The following PDE10A variants were observed in gnomAD, a reference collection of about 807,000 sequenced individuals.
PDE10A encodes cAMP and cAMP-inhibited cGMP 3',5'-cyclic phosphodiesterase 10A.
Under a neutral mutation model 97.7 loss-of-function variants are expected in PDE10A, and 39 were observed. The observed-to-expected ratio is 0.40, with a 90% CI of 0.31 to 0.52. The LOEUF is 0.52. Among genes scored for constraint, PDE10A ranks in the 20% least tolerant of loss-of-function variants. The probability of loss-of-function intolerance (pLI) is 0.56; values close to 1 mark genes in which losing one functional copy is unlikely to be tolerated. For synonymous variants in PDE10A, 371 were observed against 376.8 expected, an observed-to-expected ratio of 0.98 and a Z score of 0.18; for missense variants, 731 against 1,047.8, an observed-to-expected ratio of 0.70 and a Z score of 4.17.
At chr6:165,337,729 G>T (rs978120027) in intron 20 of PDE10A, among the ~76,000 whole-genome samples, 6 of 152,072 alleles carry the variant, frequency 3.9e-5, no homozygotes, top group Non-Finnish European at 8.8e-5. Flanking sequence ...TAAAACAAAC[G>T]ATTATCTTAG....
intron 1 of PDE10A, among the ~76,000 whole-genome samples, chr6:165,768,293 TTGTC>T (rs2128459377): frequency 6.6e-6 from 1 of 152,294 alleles, no homozygotes; most frequent in African/African-American, 2.4e-5. Context: ...GAAGTCCAGT[TTGTC>T]TATTTTTTTT....
intron 1 of PDE10A, among the ~76,000 whole-genome samples, chr6:165,744,825 A>C (rs1320516136): frequency 6.7e-6 from 1 of 149,246 alleles, no homozygotes; most frequent in Admixed American, 6.6e-5. Flanking sequence ...CCAGGGTTTT[A>C]AATATGGGAT....
intron 1 of PDE10A, among the ~76,000 whole-genome samples, chr6:165,746,705 C>A (rs1221086538): frequency 6.6e-6 from 1 of 152,316 alleles, no homozygotes; most frequent in Non-Finnish European, 1.5e-5. Context: ...GGCAAGTCAC[C>A]AGGCTGACTC....
At chr6:165,692,208 C>T (rs1455036715) in intron 1 of PDE10A, among the ~76,000 whole-genome samples, 1 of 152,036 alleles carries the variant, frequency 6.6e-6, no homozygotes, top group Non-Finnish European at 1.5e-5. Context: ...CTTGCTCAGC[C>T]TCTCTGCTCT....
chr6:165,557,732 T>C (rs1172454795), intron 1 of PDE10A, among the ~76,000 whole-genome samples: 5 of 152,220 alleles, frequency 3.3e-5, no homozygotes, highest in African/African-American at 1.2e-4. Context: ...TTACTATTTA[T>C]ATTTCCTCAA....
chr6:165,445,500 G>A (rs1303387395), intron 5 of PDE10A, among the ~76,000 whole-genome samples: 3 of 152,184 alleles, frequency 2.0e-5, no homozygotes, highest in Non-Finnish European at 4.4e-5. Flanking sequence ...TTTCTGTGAG[G>A]AAGTCTAAAT....
intron 2 of PDE10A, among the ~76,000 whole-genome samples, chr6:165,510,216 C>T (rs1781431982): frequency 1.3e-5 from 2 of 151,968 alleles, no homozygotes; most frequent in South Asian, 2.1e-4. Context: ...GTGGGTCTGG[C>T]ATATATGGTT....
intron 1 of PDE10A, among the ~76,000 whole-genome samples, chr6:165,778,501 C>A (rs1355082956): frequency 6.6e-6 from 1 of 152,224 alleles, no homozygotes; most frequent in Non-Finnish European, 1.5e-5. Flanking sequence ...GTCTCCAAAG[C>A]TGCTCTGGAC....
chr6:165,823,121 C>T (rs1198271344), intron 1 of PDE10A, among the ~76,000 whole-genome samples: 5 of 151,930 alleles, frequency 3.3e-5, no homozygotes, highest in African/African-American at 4.8e-5. Context: ...AGTGAGCCAC[C>T]GCTCCCGGCC....
rs116338108 is a variant in PDE10A at position 165,693,769 on chromosome 6, C to T, written c.-614-150201G>A. Among the ~76,000 whole-genome samples the T allele has an allele frequency of 4.1e-3, 631 of 152,264 alleles. 3 individuals carry two copies. The highest frequency in any genetic ancestry group is 0.014 in the African/African-American group (600 of 41,550). Reference sequence around the variant, plus strand: ...ATATCTTGGCACCAGTTACATTCATCTCCGGGTTCATTTGTTTTCTGGGGC... The same window carrying T: ...ATATCTTGGCACCAGTTACATTCATTTCCGGGTTCATTTGTTTTCTGGGGC... On this transcript the variant is annotated intron_variant, in intron 1 of 19. Coordinates refer to the PDE10A transcript ENST00000366882.
At chr6:165,755,055 T>C (rs1350242141) in intron 1 of PDE10A, among the ~76,000 whole-genome samples, 3 of 152,186 alleles carry the variant, frequency 2.0e-5, no homozygotes, top group African/African-American at 7.2e-5. Context: ...AGTATTAAAA[T>C]AGTTTTATGG....
At chr6:165,372,426 C>A (rs1272380895) in intron 18 of PDE10A, among the ~76,000 whole-genome samples, 1 of 136,308 alleles carries the variant, frequency 7.3e-6, no homozygotes, top group East Asian at 2.1e-4. Flanking sequence ...CATTCTTATA[C>A]ACCAATAACA....
chr6:165,826,474 C>T (rs899620588), intron 1 of PDE10A, among the ~76,000 whole-genome samples: 6 of 144,422 alleles, frequency 4.2e-5, no homozygotes, highest in Non-Finnish European at 7.8e-5. Context: ...CCCATGTCCA[C>T]CTGTCCCCAC....
At chr6:165,424,655 G>GA (rs1788986820) in intron 10 of PDE10A, among the ~76,000 whole-genome samples, 2 of 151,892 alleles carry the variant, frequency 1.3e-5, no homozygotes, top group Admixed American at 6.6e-5. Context: ...TCCAAAGATA[G>GA]AAAAAAAGAA....
At chr6:165,444,047 C>T (rs928556739) in intron 5 of PDE10A, among the ~76,000 whole-genome samples, 3 of 152,178 alleles carry the variant, frequency 2.0e-5, no homozygotes, top group Non-Finnish European at 2.9e-5. Flanking sequence ...TAAACTTTTA[C>T]GTTCTGCTTC....
At chr6:165,604,003 G>A (rs192494762) in intron 1 of PDE10A, among the ~76,000 whole-genome samples, 1 of 152,074 alleles carries the variant, frequency 6.6e-6, no homozygotes, top group Admixed American at 6.6e-5. Flanking sequence ...CATAGAAAGT[G>A]TAACAATCAA....
At chr6:165,839,327 T>G (rs1205465939) in intron 1 of PDE10A, among the ~76,000 whole-genome samples, 1 of 152,254 alleles carries the variant, frequency 6.6e-6, no homozygotes, top group Non-Finnish European at 1.5e-5. Flanking sequence ...ACTATCATAT[T>G]TATCTCAAAC....
chr6:165,932,735 G>T (rs1019451288), intron 1 of PDE10A, among the ~76,000 whole-genome samples: 8 of 152,226 alleles, frequency 5.3e-5, no homozygotes, highest in African/African-American at 1.9e-4. Flanking sequence ...GCCTCCCAAA[G>T]TGCTGGGATT....
chr6:165,879,336 C>T (rs537387206), intron 1 of PDE10A, among the ~76,000 whole-genome samples: 2 of 152,264 alleles, frequency 1.3e-5, no homozygotes, highest in South Asian at 4.1e-4. Context: ...CTTAGCTTTG[C>T]TGTAGTTTGA....
Sources: gnomAD v4.1 joint callset for allele counts (sites outside exome capture counted in the v4.1 genomes callset) on GRCh38, gnomAD v4.1.1 for gene constraint, MANE v1.5 for transcripts, NCBI Gene and HGNC (gene_info 2026-07-23, HGNC 2026-07-21) for gene names.